Variants in ERI3 observed in about 807,000 individuals in gnomAD.
The protein encoded by ERI3 is ERI1 exoribonuclease family member 3, also known as ERI1 exoribonuclease 3.
A neutral mutation model predicts 44.4 loss-of-function variants in ERI3; 18 were observed. That is an observed-to-expected ratio of 0.41 (90% CI 0.28 to 0.60). The LOEUF (loss-of-function observed/expected upper bound fraction) is 0.60, where lower values mean the gene tolerates loss of function less well. Among genes scored for constraint, ERI3 ranks in the 20% least tolerant of loss-of-function variants. The probability of loss-of-function intolerance (pLI) is 0.36; values close to 1 mark genes in which losing one functional copy is unlikely to be tolerated. For missense variants in ERI3, 294 were observed against 435.5 expected (o/e 0.68, Z 2.89); for synonymous variants, 183 against 164.8 (o/e 1.11, Z -0.84).
chr1:44,225,404 A>T (rs1160439607), intron 8 of ERI3, among the ~76,000 whole-genome samples: 1 of 152,226 alleles, frequency 6.6e-6, no homozygotes, highest in Non-Finnish European at 1.5e-5. Flanking sequence ...CTGGGATTAC[A>T]GGCATGAGCC....
rs199600611 is a variant in ERI3 at position 44,313,223 on chromosome 1, G to T, written c.612C>A (p.Thr204=). 9 of 1,614,002 alleles carry T rather than the reference G, an allele frequency of 5.6e-6. No homozygotes were observed. The highest frequency in any genetic ancestry group is 7.6e-6 in the Non-Finnish European group (9 of 1,179,980). ...PQLTPFCTEL[T]GIIQAMVDGQ... ...CATCCACCATGGCTTGAATAATCCC[G>T]GTGAGCTGAAAGGAAAGAGAAATAG... The change falls in exon 5 of 9, where the codon ACC becomes ACA. Residue 204 remains threonine, a synonymous_variant. Coordinates refer to ENST00000372257, the MANE Select transcript of ERI3 (RefSeq NM_024066.3).
At chr1:44,291,518 G>C (rs1572201616) in intron 6 of ERI3, among the ~76,000 whole-genome samples, 1 of 152,148 alleles carries the variant, frequency 6.6e-6, no homozygotes, top group East Asian at 1.9e-4. Flanking sequence ...TGTAAAGCAT[G>C]TTACCCTTGG....
intron 2 of ERI3, among the ~76,000 whole-genome samples, chr1:44,345,345 A>G (rs1646762820): frequency 6.6e-6 from 1 of 152,220 alleles, no homozygotes; most frequent in African/African-American, 2.4e-5. Context: ...AGCCACATGT[A>G]CTTGGGATCT....
At chr1:44,287,920 T>G (rs1453949172) in intron 6 of ERI3, among the ~76,000 whole-genome samples, 1 of 152,216 alleles carries the variant, frequency 6.6e-6, no homozygotes, top group Non-Finnish European at 1.5e-5. Flanking sequence ...CTCGATCTTA[T>G]TCTCCCCTAG....
At chr1:44,349,069 T>C (rs2154332271) in intron 2 of ERI3, among the ~76,000 whole-genome samples, 1 of 152,328 alleles carries the variant, frequency 6.6e-6, no homozygotes, top group Admixed American at 6.5e-5. Context: ...CTTTGGTGAA[T>C]TTCTATCGGG....
At chr1:44,305,392 G>A (rs1645811194) in intron 6 of ERI3, among the ~76,000 whole-genome samples, 1 of 152,160 alleles carries the variant, frequency 6.6e-6, no homozygotes, top group African/African-American at 2.4e-5. Flanking sequence ...AACCCTATGG[G>A]AAGCTTCAAG....
intron 8 of ERI3, among the ~76,000 whole-genome samples, chr1:44,227,383 G>A (rs78472464): frequency 0.032 from 4,897 of 152,144 alleles, 98 homozygotes; most frequent in Middle Eastern, 0.041. Context: ...GACACAGCAG[G>A]ATCCTTGGGT....
chr1:44,222,024 C>T (rs981880337), intron 8 of ERI3, among the ~76,000 whole-genome samples: 1 of 152,242 alleles, frequency 6.6e-6, no homozygotes, highest in Non-Finnish European at 1.5e-5. Flanking sequence ...ACGGCCCGTC[C>T]GCCACACTCC....
rs2154332601 is a variant in ERI3 at position 44,352,698 on chromosome 1, CAGA to C, written c.211+149_211+151del. ...AGACTTTGAGCATATGTTACTTTATCAGAAGAAGCTACAAAAAAATATGATTCG... is the reference window on the plus strand; with the variant it reads ...AGACTTTGAGCATATGTTACTTTATCAGAAGCTACAAAAAAATATGATTCG... On this transcript the variant is annotated intron_variant, in intron 2 of 8. Transcript: ENST00000372257. The C allele has an allele frequency of 5.1e-6, 4 of 779,734 alleles. No individual in the cohort carries two copies. The East Asian group carries it at 7.8e-5, about 15-fold the overall frequency. The allele number at this position is 779,734 out of a possible 1,614,324, so 48.3% of individuals were successfully genotyped here.
chr1:44,309,035 C>G (rs944469860), intron 5 of ERI3, among the ~76,000 whole-genome samples: 1 of 152,198 alleles, frequency 6.6e-6, no homozygotes, highest in African/African-American at 2.4e-5. Flanking sequence ...GTTGAGGATT[C>G]AAATTCAGCA....
chr1:44,316,728 G>A (rs957791201), intron 4 of ERI3, among the ~76,000 whole-genome samples: 4 of 152,050 alleles, frequency 2.6e-5, no homozygotes, highest in Admixed American at 6.6e-5. Flanking sequence ...GCAAGACAAA[G>A]CCCTTTACTG....
At chr1:44,325,170 C>T (rs1182908776) in intron 3 of ERI3, among the ~76,000 whole-genome samples, 3 of 151,110 alleles carry the variant, frequency 2.0e-5, no homozygotes, top group South Asian at 2.1e-4. Flanking sequence ...CTCCGCCTCC[C>T]GGGTTCAAGC....
intron 7 of ERI3, among the ~76,000 whole-genome samples, chr1:44,282,731 G>T (rs548426335): frequency 2.6e-5 from 4 of 152,318 alleles, no homozygotes; most frequent in African/African-American, 4.8e-5. Context: ...CAGAGAGGAA[G>T]AGGTTAGACC....
chr1:44,302,302 G>T (rs1645743317), intron 6 of ERI3, among the ~76,000 whole-genome samples: 1 of 152,238 alleles, frequency 6.6e-6, no homozygotes, highest in Non-Finnish European at 1.5e-5. Context: ...TAGTTCAGGA[G>T]GGGAGCCCAA....
chr1:44,310,358 G>A (rs568134862), intron 5 of ERI3, among the ~76,000 whole-genome samples: 22 of 152,316 alleles, frequency 1.4e-4, no homozygotes, highest in South Asian at 1.2e-3. Context: ...GCAATTATCT[G>A]TTTAATGTCT....
At chr1:44,342,653 GTT>G (rs558346904) in intron 2 of ERI3, among the ~76,000 whole-genome samples, 1 of 143,418 alleles carries the variant, frequency 7.0e-6, no homozygotes. Context: ...TTGCCTTCTT[GTT>G]TTTTTTTTGA....
intron 4 of ERI3, among the ~76,000 whole-genome samples, chr1:44,317,670 G>A (rs1646119354): frequency 6.6e-6 from 1 of 152,072 alleles, no homozygotes; most frequent in African/African-American, 2.4e-5. Flanking sequence ...TAAAGTATCT[G>A]ATCAGTTCTA....
intron 6 of ERI3, among the ~76,000 whole-genome samples, chr1:44,292,089 G>C (rs1645518731): frequency 6.6e-6 from 1 of 152,212 alleles, no homozygotes; most frequent in South Asian, 2.1e-4. Flanking sequence ...CTGGCTATAA[G>C]GAGATCGATT....
intron 1 of ERI3, chr1:44,353,551 T>C (rs902460081): frequency 1.0e-6 from 1 of 985,332 alleles, no homozygotes; most frequent in Non-Finnish European, 1.2e-6. Flanking sequence ...AACTAATATA[T>C]TCCTGTCTAC....
Sources: gnomAD v4.1 joint callset for allele counts (sites outside exome capture counted in the v4.1 genomes callset) on GRCh38, gnomAD v4.1.1 for gene constraint, MANE v1.5 for transcripts, NCBI Gene and HGNC (gene_info 2026-07-23, HGNC 2026-07-21) for gene names.